Variants in ZNF385D observed in about 807,000 individuals in gnomAD.
ZNF385D encodes the protein zinc finger protein 659.
In ZNF385D, 15 loss-of-function variants were observed where a neutral mutation model predicts 35.8. That is an observed-to-expected ratio of 0.42 (90% CI 0.28 to 0.64). The LOEUF is 0.64. ZNF385D is among the 30% of genes least tolerant of loss of function. ZNF385D has a pLI of 0.23. For synonymous variants in ZNF385D, 212 were observed against 186.8 expected (o/e 1.13, Z -1.10); for missense variants, 474 against 494.6 (o/e 0.96, Z 0.39).
chr3:21,540,010 T>C (rs375047272), intron 3 of ZNF385D, among the ~76,000 whole-genome samples: 1 of 152,116 alleles, frequency 6.6e-6, no homozygotes, highest in East Asian at 1.9e-4. Flanking sequence ...AAAACCTAAC[T>C]TAAGAGACCA....
At chr3:22,244,364 T>TAAAAAAAAAAAAAA (rs34497539) in intron 2 of ZNF385D, among the ~76,000 whole-genome samples, 1 of 62,558 alleles carries the variant, frequency 1.6e-5, no homozygotes, top group African/African-American at 5.2e-5. Flanking sequence ...CAACCGAATG[T>TAAAAAAAAAAAAAA]AAAAAAAAAA....
chr3:21,508,080 A>G (rs887225876), intron 4 of ZNF385D, among the ~76,000 whole-genome samples: 1 of 152,010 alleles, frequency 6.6e-6, no homozygotes, highest in Non-Finnish European at 1.5e-5. Flanking sequence ...GTCTTTCCTA[A>G]TGTCCATCGC....
chr3:22,081,799 G>A (rs1290425296), intron 3 of ZNF385D, among the ~76,000 whole-genome samples: 1 of 152,034 alleles, frequency 6.6e-6, no homozygotes, highest in Non-Finnish European at 1.5e-5. Flanking sequence ...TTTTAAAAAA[G>A]GTTGCTTACC....
intron 4 of ZNF385D, among the ~76,000 whole-genome samples, chr3:21,456,619 G>A (rs1702831633): frequency 6.6e-6 from 1 of 152,048 alleles, no homozygotes; most frequent in Non-Finnish European, 1.5e-5. Flanking sequence ...ATAGCATTAG[G>A]AGATATACCT....
intron 3 of ZNF385D, among the ~76,000 whole-genome samples, chr3:22,008,016 T>C (rs1474630551): frequency 6.6e-6 from 1 of 152,032 alleles, no homozygotes; most frequent in East Asian, 1.9e-4. Flanking sequence ...TTTCTTTCTT[T>C]ATATTTGGAT....
At chr3:21,494,773 G>A (rs1017003707) in intron 4 of ZNF385D, among the ~76,000 whole-genome samples, 16 of 152,054 alleles carry the variant, frequency 1.1e-4, no homozygotes, top group African/African-American at 3.9e-4. Context: ...TGAATCACTA[G>A]AGGACAGAAG....
intron 2 of ZNF385D, among the ~76,000 whole-genome samples, chr3:21,636,493 A>C (rs1380981652): frequency 6.7e-6 from 1 of 149,614 alleles, no homozygotes; most frequent in Non-Finnish European, 1.5e-5. Context: ...GCGAAGAAGA[A>C]GCCAGTCCGA....
At chr3:21,824,702 G>A (rs1694489186) in intron 3 of ZNF385D, among the ~76,000 whole-genome samples, 1 of 151,984 alleles carries the variant, frequency 6.6e-6, no homozygotes, top group African/African-American at 2.4e-5. Flanking sequence ...TATTCCATGT[G>A]ATGGCATCCC....
At chr3:21,722,699 G>C (rs1322708572) in intron 1 of ZNF385D, among the ~76,000 whole-genome samples, 1 of 152,122 alleles carries the variant, frequency 6.6e-6, no homozygotes, top group Non-Finnish European at 1.5e-5. Flanking sequence ...AGATTCTTTT[G>C]CCAACTTCCA....
rs547895076 is a variant in ZNF385D at position 21,476,841 on chromosome 3, C to A, written c.439+34020G>T. Among the ~76,000 whole-genome samples the A allele has an allele frequency of 7.2e-5, 11 of 152,234 alleles. No individual in the cohort carries two copies. In the East Asian group the frequency reaches 9.7e-4, roughly 13 times the overall value. On this transcript the variant is annotated intron_variant, in intron 4 of 7. Transcript: ENST00000281523. ...CCAGGAAGCTCTCCTTCTTTCCCAT[C>A]TGTGGAAGAGATTCTGAGGTGAATA...
intron 3 of ZNF385D, among the ~76,000 whole-genome samples, chr3:21,840,643 C>T (rs1006543687): frequency 3.9e-5 from 6 of 152,002 alleles, no homozygotes; most frequent in Non-Finnish European, 5.9e-5. Flanking sequence ...ACCGTTGCTT[C>T]GGTATTAAAA....
rs1327963523 is a variant in ZNF385D, at chr3:21,814,774, T to C, written c.326-149746A>G. ...CCACTGTCAACATTAGACAGATCAA[T>C]GAGACAGAAAGTTAACAAGGATATC... On this transcript the variant is annotated intron_variant, in intron 3 of 5. Coordinates refer to the ZNF385D transcript ENST00000494108. Among the ~76,000 whole-genome samples the C allele has an allele frequency of 4.6e-5, 7 of 152,038 alleles. No individual in the cohort carries two copies. The South Asian group carries it at 8.3e-4, about 18-fold the overall frequency.
chr3:22,367,624 G>C (rs965033983), intron 2 of ZNF385D, among the ~76,000 whole-genome samples: 2 of 151,650 alleles, frequency 1.3e-5, no homozygotes, highest in Non-Finnish European at 2.9e-5. Flanking sequence ...GCCTTCTGGA[G>C]TTTCCTGTGT....
chr3:21,503,503 A>G (rs1310792396), intron 4 of ZNF385D, among the ~76,000 whole-genome samples: 1 of 152,174 alleles, frequency 6.6e-6, no homozygotes, highest in Non-Finnish European at 1.5e-5. Flanking sequence ...TTTCCTTACA[A>G]ACTATTGTTC....
chr3:21,738,895 T>C (rs2069374170), intron 1 of ZNF385D, among the ~76,000 whole-genome samples: 1 of 152,224 alleles, frequency 6.6e-6, no homozygotes, highest in Admixed American at 6.5e-5. Flanking sequence ...TGTTCATTTG[T>C]TTTCTTGTTT....
At chr3:21,842,200 T>G (rs1427199785) in intron 3 of ZNF385D, among the ~76,000 whole-genome samples, 2 of 151,994 alleles carry the variant, frequency 1.3e-5, no homozygotes, top group Non-Finnish European at 2.9e-5. Context: ...GCAAGTCACC[T>G]TGGATTCTGC....
intron 3 of ZNF385D, among the ~76,000 whole-genome samples, chr3:21,901,673 C>T (rs1361378783): frequency 2.0e-5 from 3 of 152,204 alleles, no homozygotes; most frequent in South Asian, 2.1e-4. Context: ...CTGGTAGTGT[C>T]GCAATCTGAT....
At chr3:22,123,287 T>G (rs562821151) in intron 3 of ZNF385D, among the ~76,000 whole-genome samples, 5 of 152,286 alleles carry the variant, frequency 3.3e-5, no homozygotes, top group South Asian at 4.2e-4. Flanking sequence ...AGTACAGTTT[T>G]ACACAAGTTA....
At chr3:22,009,414 G>A (rs966585868) in intron 3 of ZNF385D, among the ~76,000 whole-genome samples, 3 of 152,030 alleles carry the variant, frequency 2.0e-5, no homozygotes, top group Middle Eastern at 3.2e-3. Context: ...AAGAGGCGAG[G>A]AGATCGAGAC....
Sources: allele counts gnomAD v4.1 joint callset (sites outside exome capture counted in the v4.1 genomes callset), GRCh38; gene constraint gnomAD v4.1.1; transcripts MANE v1.5; gene names NCBI Gene and HGNC (gene_info 2026-07-23, HGNC 2026-07-21).